Variants in SLC7A2 observed in about 807,000 individuals in gnomAD.
The protein encoded by SLC7A2 is solute carrier family 7 member 2, also known as cationic amino acid transporter 2.
A neutral mutation model predicts 58.9 loss-of-function variants in SLC7A2; 48 were observed. The observed-to-expected ratio is 0.82, with a 90% CI of 0.65 to 1.04. SLC7A2 has a LOEUF of 1.04. Ranked by LOEUF, SLC7A2 falls within the 50% of genes least tolerant of loss-of-function variation. SLC7A2 has a pLI of 0.00. For missense variants in SLC7A2, 1,029 were observed against 818.8 expected (o/e 1.26, Z -3.13); for synonymous variants, 363 against 314.5 (o/e 1.15, Z -1.63).
chr8:17,531,400 A>G (rs1230372086), intron 2 of SLC7A2, among the ~76,000 whole-genome samples: 1 of 152,190 alleles, frequency 6.6e-6, no homozygotes, highest in South Asian at 2.1e-4. Flanking sequence ...GAGTGTTGTT[A>G]AAAAGAAATT....
At chr8:17,553,270 T>C (rs557233622) in intron 7 of SLC7A2, among the ~76,000 whole-genome samples, 1 of 152,234 alleles carries the variant, frequency 6.6e-6, no homozygotes, top group South Asian at 2.1e-4. Flanking sequence ...AGGCTGGTCT[T>C]GAACTCCTGG....
chr8:17,507,653 A>C (rs28690260), intron 2 of SLC7A2, among the ~76,000 whole-genome samples: 3 of 151,988 alleles, frequency 2.0e-5, no homozygotes, highest in African/African-American at 7.3e-5. Context: ...TGTGTCCTAT[A>C]AATATGTACA....
intron 2 of SLC7A2, chr8:17,538,820 C>T (rs200902608): frequency 6.2e-6 from 10 of 1,613,554 alleles, no homozygotes; most frequent in Admixed American, 3.3e-5. Flanking sequence ...AAACTAGCAA[C>T]TGGAATGAAG....
intron 2 of SLC7A2, among the ~76,000 whole-genome samples, chr8:17,533,613 C>A (rs1801545900): frequency 6.6e-6 from 1 of 152,180 alleles, no homozygotes; most frequent in South Asian, 2.1e-4. Flanking sequence ...CCAGAGTGTT[C>A]TAAAGTATTT....
intron 2 of SLC7A2, among the ~76,000 whole-genome samples, chr8:17,533,341 A>G (rs77126588): frequency 0.029 from 4,345 of 152,332 alleles, 210 homozygotes; most frequent in African/African-American, 0.099. Context: ...TTTTGTTTCA[A>G]TAAATGACTT....
chr8:17,537,152 G>A (rs747448364), intron 2 of SLC7A2, among the ~76,000 whole-genome samples: 9 of 152,334 alleles, frequency 5.9e-5, no homozygotes, highest in East Asian at 1.9e-4. Context: ...TGCCTCCTGA[G>A]TTCAAGCAAT....
In SLC7A2 at chr8:17,554,583, T is replaced by C; in HGVS notation, c.1079T>C (p.Met360Thr). The C allele has an allele frequency of 6.2e-7, 1 of 1,605,584 alleles. No homozygotes were observed. Among genetic ancestry groups the C allele is most frequent in the Non-Finnish European group, 8.5e-7 (1 of 1,177,894 alleles). ...STSLLGSIFPMPRVIYAMAED... is the reference protein window; with the variant it reads ...STSLLGSIFPTPRVIYAMAED... Reference sequence around the variant, plus strand: ...AGTCTTCTTGGATCCATTTTCCCAATGCCTCGTGTAATCTATGCTATGGCG... The same window carrying C: ...AGTCTTCTTGGATCCATTTTCCCAACGCCTCGTGTAATCTATGCTATGGCG... Residue 360 changes from methionine to threonine, a missense_variant, in exon 8 of 13, where the codon ATG becomes ACG. Met to Thr is a moderately conservative substitution (Grantham distance 81, BLOSUM62 -1). Coordinates refer to ENST00000494857, the MANE Select transcript of SLC7A2 (RefSeq NM_001370338.1).
intron 1 of SLC7A2, chr8:17,500,170 A>G (rs182616753): frequency 2.6e-5 from 4 of 152,320 alleles, no homozygotes; most frequent in Admixed American, 1.3e-4. Context: ...GCTGTACTCT[A>G]TTAAAAAATA....
At chr8:17,539,545 C>A (rs1256388544) in intron 2 of SLC7A2, among the ~76,000 whole-genome samples, 2 of 152,166 alleles carry the variant, frequency 1.3e-5, no homozygotes, top group Admixed American at 6.5e-5. Flanking sequence ...AGAAAGATAT[C>A]TGTTTCTGGT....
chr8:17,542,916 T>G (rs1195594438), intron 2 of SLC7A2, among the ~76,000 whole-genome samples: 1 of 151,984 alleles, frequency 6.6e-6, no homozygotes, highest in African/African-American at 2.4e-5. Flanking sequence ...GAGCCAAGAT[T>G]GTGCCACTGC....
intron 2 of SLC7A2, among the ~76,000 whole-genome samples, chr8:17,504,654 C>A (rs1221287624): frequency 6.6e-6 from 1 of 152,166 alleles, no homozygotes; most frequent in Non-Finnish European, 1.5e-5. Context: ...TTATTACCAA[C>A]TTTTATTAAT....
chr8:17,506,924 G>A (rs1800389372), intron 2 of SLC7A2, among the ~76,000 whole-genome samples: 1 of 150,070 alleles, frequency 6.7e-6, no homozygotes, highest in South Asian at 2.1e-4. Flanking sequence ...ATAATTACTA[G>A]AATGCACTAC....
intron 3 of SLC7A2, among the ~76,000 whole-genome samples, 159 bp downstream of exon 3, chr8:17,543,874 T>G (rs558280493): frequency 3.9e-5 from 6 of 151,998 alleles, no homozygotes; most frequent in Non-Finnish European, 8.8e-5. Flanking sequence ...TACAAAATTC[T>G]GTGGGTTTTT....
At chr8:17,528,652 C>T (rs1395351142) in intron 2 of SLC7A2, among the ~76,000 whole-genome samples, 1 of 152,176 alleles carries the variant, frequency 6.6e-6, no homozygotes, top group Non-Finnish European at 1.5e-5. Context: ...ACTCCGCCTG[C>T]CTCCGCCTCC....
chr8:17,562,113 A>T lies in SLC7A2; in HGVS notation c.1671+3A>T. 6.4e-7 allele frequency: 1 copy of T among 1,566,982 alleles called. No individual in the cohort carries two copies. The highest frequency in any genetic ancestry group is 8.7e-7 in the Non-Finnish European group (1 of 1,154,656). On this transcript the variant is annotated splice_donor_region_variant and intron_variant, in intron 11 of 12. Transcript: ENST00000494857. ...ATCAGCAAAAAGTAGCCTTCATGGTATGTGTAATGAGGATTAGAGACCCAA... is the reference window on the plus strand; with the variant it reads ...ATCAGCAAAAAGTAGCCTTCATGGTTTGTGTAATGAGGATTAGAGACCCAA...
In SLC7A2 at chr8:17,554,785, C is replaced by G. The variant is rs1472535250; in HGVS notation, c.1195+86C>G. The G allele has an allele frequency of 2.1e-6, 3 of 1,408,126 alleles. No homozygotes were observed. The South Asian group carries it at 4.7e-5, about 22-fold the overall frequency. The allele number at this position is 1,408,126 out of a possible 1,614,324, so 87.2% of individuals were successfully genotyped here. On this transcript the variant is annotated intron_variant, in intron 8 of 12. Transcript: ENST00000494857. ...TAAAAATACAAAGCTAGGTGGTTTTCTTTTTTGATTTCCAAGAAGTTCAGT... is the reference window on the plus strand; with the variant it reads ...TAAAAATACAAAGCTAGGTGGTTTTGTTTTTTGATTTCCAAGAAGTTCAGT...
At chr8:17,556,347 A>G (rs140612746) in intron 8 of SLC7A2, among the ~76,000 whole-genome samples, 246 of 152,304 alleles carry the variant, frequency 1.6e-3, no homozygotes, top group Middle Eastern at 6.8e-3. Context: ...ATCTTTCTCT[A>G]TTCAGGAAGA....
In SLC7A2 at chr8:17,564,971, A is replaced by G. The variant is rs1803195732; in HGVS notation, c.1802A>G (p.Tyr601Cys). ...MAIGFLIYFS[Y>C]GIRHSLEGHL... ...ACAGGCTTCCTGATTTACTTTTCTT[A>G]TGGCATTAGACACAGCCTGGAGGGT... Residue 601 changes from tyrosine to cysteine, a missense_variant, in exon 13 of 13, where the codon TAT becomes TGT. By Grantham distance (194) the Tyr-to-Cys change is radical. Transcript: ENST00000494857. The G allele has an allele frequency of 1.3e-6, 2 of 1,580,200 alleles. No individual in the cohort carries two copies. Among genetic ancestry groups the G allele is most frequent in the Non-Finnish European group, 1.7e-6 (2 of 1,166,736 alleles).
chr8:17,510,381 T>G (rs888479017), intron 2 of SLC7A2, among the ~76,000 whole-genome samples: 1 of 152,074 alleles, frequency 6.6e-6, no homozygotes, highest in African/African-American at 2.4e-5. Context: ...TATCTATAAC[T>G]AGGAAAAAAA....
Sources: allele counts gnomAD v4.1 joint callset (sites outside exome capture counted in the v4.1 genomes callset), GRCh38; gene constraint gnomAD v4.1.1; transcripts MANE v1.5; gene names NCBI Gene and HGNC (gene_info 2026-07-23, HGNC 2026-07-21).